The following INF2 variants were observed in gnomAD, a reference collection of about 807,000 sequenced individuals.
INF2 encodes inverted formin-2.
In INF2, 43 loss-of-function variants were observed where a neutral mutation model predicts 123.5. The ratio of observed to expected loss-of-function variants is 0.35; its 90% CI spans 0.27 to 0.45. INF2 has a LOEUF of 0.45. Among genes scored for constraint, INF2 ranks in the 20% least tolerant of loss-of-function variants. The pLI, the probability that INF2 is intolerant of heterozygous loss-of-function variation, is 1.00. For missense variants in INF2, 1,453 were observed against 1,682.7 expected, an observed-to-expected ratio of 0.86 and a Z score of 2.39; for synonymous variants, 851 against 745.0, an observed-to-expected ratio of 1.14 and a Z score of -2.32.
chr14:104,689,770 G>A, intron 1 of INF2, 31 bp downstream of exon 1: 1 of 982,476 alleles, frequency 1.0e-6, no homozygotes, highest in Non-Finnish European at 1.2e-6. Flanking sequence ...TCCGCTTGGA[G>A]CTTCAGGGGA....
rs761238349 is a variant in INF2 at position 104,701,483 on chromosome 14, C to A, written c.118C>A (p.Arg40=). Residue 40 remains arginine, a synonymous_variant, in exon 2 of 23, where the codon CGG becomes AGG. Coordinates refer to ENST00000392634, the MANE Select transcript of INF2 (RefSeq NM_022489.4). ...GAGCGCGGACCCCGAGCTGTGCATC[C>A]GGCTGCTCCAGATGCCCTCTGTGGT... ...LESADPELCI[R]LLQMPSVVNY... The A allele has an allele frequency of 5.2e-5, 83 of 1,602,476 alleles. No individual in the cohort carries two copies. The highest frequency in any genetic ancestry group is 1.6e-4 in the Middle Eastern group (1 of 6,064).
At chr14:104,714,879 G>A in intron 21 of INF2, 23 bp downstream of exon 21, 1 of 1,518,872 alleles carries the variant, frequency 6.6e-7, no homozygotes, top group South Asian at 1.3e-5. Flanking sequence ...GGGGCCCCGG[G>A]CACCGTCCCA....
At chr14:104,701,836 G>C (rs1053679430) in intron 2 of INF2, 80 bp downstream of exon 2, 52 of 1,403,328 alleles carry the variant, frequency 3.7e-5, no homozygotes, top group Admixed American at 5.8e-5. Context: ...GGCCCCGGGA[G>C]GCCTGGGGAA....
Position 104,713,001 on chromosome 14 carries a change from G to A in INF2, c.2775+9G>A, listed in dbSNP as rs1890123310. ...TCCTCCGCGCCCTGAAGGTGGGGCA[G>A]CCCGGCGGGACACAGCCTGTCTGGC... On this transcript the variant is annotated intron_variant, in intron 18 of 22. Transcript: ENST00000392634. 6.2e-7 allele frequency: 1 copy of A among 1,611,968 alleles called. No homozygotes were observed. Among genetic ancestry groups the A allele is most frequent in the South Asian group, 1.1e-5 (1 of 91,066 alleles).
At chr14:104,703,263 C>G (rs1335349730) in intron 3 of INF2, 32 bp from the exon 4 acceptor site, 1 of 1,612,908 alleles carries the variant, frequency 6.2e-7, no homozygotes, top group Non-Finnish European at 8.5e-7. Context: ...GGCTCCCTGC[C>G]TGGGTGTGCC....
chr14:104,717,258 CGCCCCCA>C (rs1890342448), intron 22 of INF2, among the ~76,000 whole-genome samples: 2 of 139,112 alleles, frequency 1.4e-5, no homozygotes, highest in African/African-American at 5.8e-5. Context: ...CCTCCCAGTC[CGCCCCCA>C]CCGGGCAGGG....
chr14:104,716,953 A>G (rs1890325391), intron 22 of INF2, among the ~76,000 whole-genome samples: 1 of 152,156 alleles, frequency 6.6e-6, no homozygotes. Flanking sequence ...CGGCCTCCCA[A>G]AGTGCTGGGA....
intron 20 of INF2, among the ~76,000 whole-genome samples, chr14:104,713,808 A>G (rs547409047): frequency 3.3e-5 from 5 of 152,092 alleles, no homozygotes; most frequent in African/African-American, 1.2e-4. Flanking sequence ...CAGCTCCTCC[A>G]CTGTAACCGC....
chr14:104,706,196 G>A lies in INF2; in HGVS notation c.843+20G>A. On this transcript the variant is annotated intron_variant, in intron 6 of 22. Transcript: ENST00000392634. ...CACAAGGTGGGCTGGGGGCTGCAGG[G>A]CGGAGGGCAGCCCTCCAGGGCAGGC... 6.5e-7 allele frequency: 1 copy of A among 1,549,106 alleles called. No homozygotes were observed. Among genetic ancestry groups the A allele is most frequent in the Non-Finnish European group, 8.7e-7 (1 of 1,145,028 alleles).
chr14:104,715,451 G>T (rs1477099228), intron 22 of INF2, 111 bp downstream of exon 22: 5 of 1,021,624 alleles, frequency 4.9e-6, no homozygotes, highest in East Asian at 2.4e-5. Context: ...TCTCCAGCCC[G>T]CGTGGTGCGT....
chr14:104,718,477 C>T (rs183835475), intron 22 of INF2, among the ~76,000 whole-genome samples: 19 of 152,178 alleles, frequency 1.2e-4, no homozygotes, highest in African/African-American at 4.6e-4. Context: ...TGAGTAAGGA[C>T]AGAGTGCAGC....
chr14:104,711,845 T>A, intron 16 of INF2, 146 bp downstream of exon 16: 1 of 723,102 alleles, frequency 1.4e-6, no homozygotes, highest in Non-Finnish European at 2.4e-6. Flanking sequence ...ATAGAACACT[T>A]CCCTTTTGGG....
chr14:104,714,144 C>A, intron 20 of INF2, 59 bp from the exon 21 acceptor site: 1 of 1,392,612 alleles, frequency 7.2e-7, no homozygotes, highest in Non-Finnish European at 9.5e-7. Context: ...GAGGAGGCTG[C>A]ACCTGGGCTG....
exon 1 of INF2, chr14:104,681,352 C>T (rs1888520947): frequency 2.3e-6 from 1 of 439,802 alleles, no homozygotes; most frequent in African/African-American, 2.0e-5. Context: ...TGGACGCCAC[C>T]CACAGAAAGC....
intron 16 of INF2, 64 bp from the exon 17 acceptor site, chr14:104,712,369 C>T (rs1226917513): frequency 1.3e-5 from 21 of 1,604,386 alleles, no homozygotes; most frequent in Middle Eastern, 1.8e-4. Context: ...GGGAGGGGCT[C>T]CCCTGTCCCA....
Position 104,712,908 on chromosome 14 carries a change from G to C in INF2, c.2691G>C (p.Leu897=), listed in dbSNP as rs745412692. 1.2e-6 allele frequency: 2 copies of C among 1,612,608 alleles called. No homozygotes were observed. The highest frequency in any genetic ancestry group is 1.3e-5 in the African/African-American group (1 of 74,948). The change falls in exon 18 of 23, where the codon CTG becomes CTC. Residue 897 remains leucine, a synonymous_variant. Coordinates refer to ENST00000392634, the MANE Select transcript of INF2 (RefSeq NM_022489.4). ...AGCAACGGGAGCTGGCCGACTACCT[G>C]TGTGAGGACGCCCAGCAGCTGTCCC... ...EQKQRELADY[L]CEDAQQLSLE...
chr14:104,709,549 G>A (rs1889944640), intron 11 of INF2, 71 bp from the exon 12 acceptor site: 1 of 1,444,918 alleles, frequency 6.9e-7, no homozygotes, highest in Non-Finnish European at 9.7e-7. Flanking sequence ...GAGGGGCTGA[G>A]CCCGGCGGGC....
intron 1 of INF2, among the ~76,000 whole-genome samples, chr14:104,682,857 A>G (rs1283257314): frequency 1.3e-5 from 2 of 152,120 alleles, no homozygotes; most frequent in Admixed American, 1.3e-4. Context: ...AAAGTCAGCC[A>G]ACCCTAGGAT....
chr14:104,714,369 A>T lies in INF2; in HGVS notation c.3207A>T (p.Pro1069=), dbSNP rs1128840. The change falls in exon 21 of 23, where the codon CCA becomes CCT. Residue 1069 remains proline, a synonymous_variant. Coordinates refer to ENST00000392634, the MANE Select transcript of INF2 (RefSeq NM_022489.4). ...TGGAGCAGTTGGAGGAGGGTGGTCC[A>T]CGGCCCCTGGAGAGGCGTTCTTCCT... ...PTLEQLEEGG[P]RPLERRSSWY... The T allele has an allele frequency of 6.3e-7, 1 of 1,595,738 alleles. No individual in the cohort carries two copies. Among genetic ancestry groups the T allele is most frequent in the Non-Finnish European group, 8.5e-7 (1 of 1,171,886 alleles).
Sources: allele counts gnomAD v4.1 joint callset (sites outside exome capture counted in the v4.1 genomes callset), GRCh38; gene constraint gnomAD v4.1.1; transcripts MANE v1.5; gene names NCBI Gene and HGNC (gene_info 2026-07-23, HGNC 2026-07-21).